ZNF738: variants seen among roughly 807,000 people sequenced by gnomAD.
ZNF738 encodes the protein zinc finger protein 738.
Under a neutral mutation model 9.2 loss-of-function variants are expected in ZNF738, and 10 were observed. That is an observed-to-expected ratio of 1.09 (90% confidence interval 0.67 to 1.85). The LOEUF (loss-of-function observed/expected upper bound fraction) is 1.85, where lower values mean the gene tolerates loss of function less well. ZNF738 is among the 40% of genes most tolerant of loss of function. The pLI is 0.00. For synonymous variants in ZNF738, 113 were observed against 94.5 expected, an observed-to-expected ratio of 1.20 and a Z score of -1.14; for missense variants, 346 against 283.6, an observed-to-expected ratio of 1.22 and a Z score of -1.58.
intron 2 of ZNF738, among the ~76,000 whole-genome samples, chr19:21,370,389 C>T (rs533366387): frequency 1.7e-4 from 26 of 152,160 alleles, no homozygotes; most frequent in African/African-American, 6.0e-4. Flanking sequence ...CAGAATAATG[C>T]TATTTTTATA....
chr19:21,375,230 T>TG lies in ZNF738; in HGVS notation c.97-8_97-7insG, dbSNP rs10688072. The TG allele has an allele frequency of 5.2e-5, 58 of 1,114,566 alleles. No homozygotes were observed. Among genetic ancestry groups the TG allele is most frequent in the African/African-American group, 9.4e-5 (6 of 63,864 alleles). The allele number at this position is 1,114,566 out of a possible 1,614,324, so 69.0% of individuals were successfully genotyped here. A position where few individuals can be genotyped will look rare whatever the true frequency, so the allele number is the denominator to read the frequency against. ...TTGTAAATATGTGTGTGTGTGTGTG[T>TG]TTTTCAGGGGCCGTTGACATTTAGG... is the stretch of plus-strand genomic sequence containing the variant. On this transcript the variant is annotated splice_polypyrimidine_tract_variant and splice_region_variant and intron_variant, in intron 2 of 4. Transcript: ENST00000683779.
At chr19:21,370,902 C>CA (rs1289755749) in intron 2 of ZNF738, among the ~76,000 whole-genome samples, 1 of 152,156 alleles carries the variant, frequency 6.6e-6, no homozygotes, top group Non-Finnish European at 1.5e-5. Context: ...TGAAAACCAA[C>CA]AAAAGGCATT....
chr19:21,368,943 G>T (rs2145225540), intron 2 of ZNF738, among the ~76,000 whole-genome samples: 1 of 152,134 alleles, frequency 6.6e-6, no homozygotes, highest in Admixed American at 6.6e-5. Flanking sequence ...TTAGTATATT[G>T]GCCAGGCTGG....
chr19:21,375,469 C>T, intron 3 of ZNF738, 105 bp downstream of exon 3: 1 of 551,256 alleles, frequency 1.8e-6, no homozygotes. Flanking sequence ...AAATGCGTTT[C>T]TGATCCCTGT....
In ZNF738 at chr19:21,388,000, T is replaced by C. The variant is rs139924739; in HGVS notation, c.*4326T>C. ...AATATTTTTGAAGATGCACTAAAAA[T>C]GAAAAAATATTTAATCCAAATTAGG... On this transcript the variant is annotated 3_prime_UTR_variant, in exon 5 of 5. Coordinates refer to ENST00000683779, the MANE Select transcript of ZNF738 (RefSeq NM_001355237.2). Among the ~76,000 whole-genome samples the C allele has an allele frequency of 7.4e-3, 1,119 of 152,134 alleles. 7 individuals are homozygous for C. Among genetic ancestry groups the C allele is most frequent in the African/African-American group, 0.025 (1,049 of 41,546 alleles).
At position 21,383,036 on chromosome 19, in the gene ZNF738, C is replaced by G. The variant is rs1485199901; in HGVS notation, c.490C>G (p.Leu164Val). The change falls in exon 5 of 5, where the codon CTA becomes GTA. Residue 164 changes from leucine (L) to valine (V), a missense_variant. Transcript: ENST00000683779. The part of the protein sequence containing the change: ...CNVQKEGYNE[L>V]KEYLTTTQSK... The stretch of plus-strand genomic sequence containing the variant: ...TGTGCAAAAAGAAGGTTATAATGAA[C>G]TAAAAGAGTATTTGACAACTACCCA... 3.4e-6 allele frequency: 3 copies of G among 879,400 alleles called. No homozygotes were observed. The highest frequency in any genetic ancestry group is 5.7e-6 in the Non-Finnish European group (3 of 523,546). The allele number at this position is 879,400 out of a possible 1,614,324, so 54.5% of individuals were successfully genotyped here.
chr19:21,374,548 C>T (rs1973900767), intron 2 of ZNF738, among the ~76,000 whole-genome samples: 1 of 152,122 alleles, frequency 6.6e-6, no homozygotes, highest in Non-Finnish European at 1.5e-5. Context: ...TTATTTTTCT[C>T]CTCATTATTA....
chr19:21,366,337 T>G (rs1973779490), intron 2 of ZNF738, among the ~76,000 whole-genome samples: 1 of 152,180 alleles, frequency 6.6e-6, no homozygotes, highest in Admixed American at 6.5e-5. Flanking sequence ...CTTGCCTTGT[T>G]TTAGAGGCTC....
intron 2 of ZNF738, among the ~76,000 whole-genome samples, chr19:21,370,204 G>A (rs1973839733): frequency 6.6e-6 from 1 of 152,120 alleles, no homozygotes; most frequent in Non-Finnish European, 1.5e-5. Flanking sequence ...TTAATTGTAT[G>A]TTGAACCAAC....
intron 3 of ZNF738, 134 bp from the exon 4 acceptor site, chr19:21,375,735 C>A: frequency 2.2e-6 from 1 of 458,886 alleles, no homozygotes; most frequent in Non-Finnish European, 4.0e-6. Context: ...AATGTAAGAA[C>A]TTTCTGTCAT....
intron 4 of ZNF738, chr19:21,378,965 A>C (rs1973973674): frequency 6.6e-6 from 1 of 152,142 alleles, no homozygotes; most frequent in African/African-American, 2.4e-5. Flanking sequence ...TTGTGCTTAC[A>C]TATGTGTTTG....
At chr19:21,361,233 G>A (rs976099449) in intron 1 of ZNF738, among the ~76,000 whole-genome samples, 1 of 151,998 alleles carries the variant, frequency 6.6e-6, no homozygotes, top group African/African-American at 2.4e-5. Flanking sequence ...TGCCTCCCGG[G>A]TTCAGGCGAT....
At chr19:21,359,743 G>A (rs904987787) in intron 1 of ZNF738, among the ~76,000 whole-genome samples, 4 of 150,694 alleles carry the variant, frequency 2.7e-5, no homozygotes, top group Non-Finnish European at 4.5e-5. Flanking sequence ...CGGGCGTGGT[G>A]GCGGGCGCCT....
At chr19:21,372,813 C>A (rs1303793291) in intron 2 of ZNF738, 1 of 152,174 alleles carries the variant, frequency 6.6e-6, no homozygotes, top group Non-Finnish European at 1.5e-5. Flanking sequence ...ATAGTACCTG[C>A]TTAATAAACA....
chr19:21,377,062 C>A (rs1348635295), intron 4 of ZNF738, among the ~76,000 whole-genome samples: 1 of 151,922 alleles, frequency 6.6e-6, no homozygotes, highest in African/African-American at 2.4e-5. Context: ...AATCCCAACA[C>A]TTTGGGAGGC....
At chr19:21,368,986 C>T (rs1220942157) in intron 2 of ZNF738, among the ~76,000 whole-genome samples, 7 of 152,156 alleles carry the variant, frequency 4.6e-5, no homozygotes, top group Admixed American at 1.3e-4. Context: ...AATCCATCTG[C>T]GTCAGCCTCC....
Position 21,383,190 on chromosome 19 carries a change from T to G in ZNF738, c.644T>G (p.Met215Arg). The G allele has an allele frequency of 6.2e-7, 1 of 1,601,728 alleles. No homozygotes were observed. Among genetic ancestry groups the G allele is most frequent in the African/African-American group, 1.3e-5 (1 of 74,820 alleles). Residue 215 changes from methionine to arginine, a missense_variant, in exon 5 of 5, where the codon ATG becomes AGG. Transcript: ENST00000683779. ...KCKKCGKSFC[M>R]LLHLGQHKII... ...AAAAAATGTGGCAAATCATTTTGCA[T>G]GCTTTTACACCTAGGTCAACATAAA...
rs1477818409 is a variant in ZNF738, at chr19:21,386,043, A to C, written c.*2369A>C. Among the ~76,000 whole-genome samples the C allele has an allele frequency of 6.6e-6, 1 of 152,204 alleles. No individual in the cohort carries two copies. Among genetic ancestry groups the C allele is most frequent in the Admixed American group, 6.5e-5 (1 of 15,286 alleles). ...TATGAAGAATATCTCAAAACTTTTT[A>C]TAGATTCTCATACCTTATTAAACAT... is the stretch of plus-strand genomic sequence containing the variant. On this transcript the variant is annotated 3_prime_UTR_variant, in exon 5 of 5. Coordinates refer to ENST00000683779, the MANE Select transcript of ZNF738 (RefSeq NM_001355237.2).
At chr19:21,375,196 C>A (rs772922492) in intron 2 of ZNF738, 42 bp from the exon 3 acceptor site, 1 of 901,138 alleles carries the variant, frequency 1.1e-6, no homozygotes, top group Non-Finnish European at 1.6e-6. Context: ...AAATTCTGCC[C>A]GTGGACACTT....
Sources: gnomAD v4.1 joint callset for allele counts (sites outside exome capture counted in the v4.1 genomes callset) on GRCh38, gnomAD v4.1.1 for gene constraint, MANE v1.5 for transcripts, NCBI Gene and HGNC (gene_info 2026-07-23, HGNC 2026-07-21) for gene names.